The following GRK3 variants were observed in gnomAD, a reference collection of about 807,000 sequenced individuals.
GRK3 encodes G protein-coupled receptor kinase 3.
Under a neutral mutation model 95.7 loss-of-function variants are expected in GRK3, and 54 were observed. The observed-to-expected ratio is 0.56, with a 90% CI of 0.45 to 0.71. GRK3 has a LOEUF of 0.71. Ranked by LOEUF, GRK3 falls within the 30% of genes least tolerant of loss-of-function variation. The pLI, the probability that GRK3 is intolerant of heterozygous loss-of-function variation, is 0.00. For synonymous variants in GRK3, 281 were observed against 290.8 expected, an observed-to-expected ratio of 0.97 and a Z score of 0.34; for missense variants, 649 against 851.2, an observed-to-expected ratio of 0.76 and a Z score of 2.96.
At chr22:25,659,461 G>A (rs2084895848) in intron 3 of GRK3, among the ~76,000 whole-genome samples, 1 of 152,132 alleles carries the variant, frequency 6.6e-6, no homozygotes, top group Admixed American at 6.5e-5. Context: ...AGTTCACCTG[G>A]GAGCTGTGTA....
Position 25,709,636 on chromosome 22 carries a change from G to A in GRK3, c.1329-262G>A, listed in dbSNP as rs115144494. Among the ~76,000 whole-genome samples the A allele has an allele frequency of 7.1e-3, 1,081 of 152,112 alleles. 14 individuals carry two copies. Among genetic ancestry groups the A allele is most frequent in the African/African-American group, 0.025 (1,023 of 41,482 alleles). On this transcript the variant is annotated intron_variant, in intron 15 of 20. Transcript: ENST00000324198. ...TGTGCGTGTGTATATATATATCTGT[G>A]AAAATTTCTAGGTTATCTTAAACTG...
rs1340887521 is a variant in GRK3, at chr22:25,626,795, G to A, written c.191-17797G>A. Among the ~76,000 whole-genome samples the A allele has an allele frequency of 2.0e-5, 3 of 152,230 alleles. No homozygotes were observed. The East Asian group carries it at 5.8e-4, about 29-fold the overall frequency. ...CCAGGCTGCAGGTTTGAAGATCGGT[G>A]CACAGTCAGGGCTATCGTCTGCCCC... On this transcript the variant is annotated intron_variant, in intron 2 of 20. Transcript: ENST00000324198.
chr22:25,694,809 G>T (rs747656472), intron 12 of GRK3, among the ~76,000 whole-genome samples: 9 of 152,192 alleles, frequency 5.9e-5, no homozygotes, highest in Non-Finnish European at 1.3e-4. Context: ...TCCTGAAACG[G>T]CAGGAGAACC....
At chr22:25,570,317 A>G (rs1237561333) in intron 1 of GRK3, among the ~76,000 whole-genome samples, 1 of 152,190 alleles carries the variant, frequency 6.6e-6, no homozygotes, top group African/African-American at 2.4e-5. Context: ...TCACCCCCCA[A>G]GGCCTCAAAA....
In GRK3 at chr22:25,725,669, G is replaced by A. The variant is rs184417391; in HGVS notation, c.*3219G>A. ...TATGTTTAAAAAGAAGGGGCTGGCC[G>A]GGCACGATGGCTCACGCCTATAATC... On this transcript the variant is annotated 3_prime_UTR_variant, in exon 21 of 21. Transcript: ENST00000324198. 1.5e-4 allele frequency: 60 copies of A among 398,568 alleles called. 1 individual carries two copies. The highest frequency in any genetic ancestry group is 1.3e-3 in the Middle Eastern group (2 of 1,588). The allele number at this position is 398,568 out of a possible 1,614,324, so 24.7% of individuals were successfully genotyped here.
chr22:25,626,208 C>T (rs989509583), intron 2 of GRK3, among the ~76,000 whole-genome samples: 4 of 152,256 alleles, frequency 2.6e-5, no homozygotes, highest in East Asian at 1.9e-4. Flanking sequence ...GGATTACAGG[C>T]GTGAGCCACC....
Position 25,690,831 on chromosome 22 carries a change from A to G in GRK3, c.1052+548A>G, listed in dbSNP as rs561798352. On this transcript the variant is annotated intron_variant, in intron 12 of 20. Transcript: ENST00000324198. ...TCTTTTTTAATTAAAGAAACAAATC[A>G]TCTGCTTGCAGTTTAGGCTTTCACT... 3.8e-4 allele frequency among the ~76,000 whole-genome samples: 58 copies of G among 152,074 alleles called. No homozygotes were observed. In the South Asian group the frequency reaches 8.3e-3, roughly 22 times the overall value.
At chr22:25,708,082 A>G (rs1169825523) in intron 15 of GRK3, among the ~76,000 whole-genome samples, 1 of 151,760 alleles carries the variant, frequency 6.6e-6, no homozygotes, top group African/African-American at 2.4e-5. Flanking sequence ...CTAAATATAC[A>G]ATAATAATAA....
intron 2 of GRK3, among the ~76,000 whole-genome samples, chr22:25,615,629 C>T: frequency 6.8e-6 from 1 of 146,620 alleles, no homozygotes; most frequent in East Asian, 2.0e-4. Flanking sequence ...ATGTGCCATA[C>T]CTTTCTCCTA....
rs114300498 is a variant in GRK3 at position 25,619,567 on chromosome 22, T to A, written c.190+15114T>A. Among the ~76,000 whole-genome samples, 1,200 of 151,956 alleles carry A rather than the reference T, an allele frequency of 7.9e-3. 16 individuals carry two copies. Among genetic ancestry groups the A allele is most frequent in the African/African-American group, 0.028 (1,148 of 41,402 alleles). On this transcript the variant is annotated intron_variant, in intron 2 of 20. Coordinates refer to ENST00000324198, the MANE Select transcript of GRK3 (RefSeq NM_005160.4). ...GGCGTGATCATAGCTCACTGCTGCC[T>A]CGAACTCCTGGACTCATGTGATCTT...
chr22:25,715,756 A>G (rs1381148478), intron 18 of GRK3, among the ~76,000 whole-genome samples: 1 of 152,204 alleles, frequency 6.6e-6, no homozygotes, highest in Non-Finnish European at 1.5e-5. Flanking sequence ...AACCTTATGT[A>G]ACAAGAATGG....
At chr22:25,718,612 C>T (rs1200702195) in intron 19 of GRK3, among the ~76,000 whole-genome samples, 1 of 152,194 alleles carries the variant, frequency 6.6e-6, no homozygotes, top group African/African-American at 2.4e-5. Context: ...AGGTCAGAAG[C>T]ACCACATCAT....
chr22:25,718,321 G>A lies in GRK3; in HGVS notation c.1731G>A (p.Gln577=). 3.7e-6 allele frequency: 6 copies of A among 1,614,172 alleles called. No individual in the cohort carries two copies. The highest frequency in any genetic ancestry group is 5.1e-6 in the Non-Finnish European group (6 of 1,180,018). ...KLGNPFLTQW[Q]RRYFYLFPNR... ...GAAACCCATTTCTGACTCAGTGGCA[G>A]CGTCGCTATTTTTACCTCTTTCCAA... is the stretch of plus-strand genomic sequence containing the variant. Residue 577 remains glutamine, a synonymous_variant, in exon 19 of 21, where the codon CAG becomes CAA. Coordinates refer to ENST00000324198, the MANE Select transcript of GRK3 (RefSeq NM_005160.4).
intron 13 of GRK3, chr22:25,702,968 C>A: frequency 2.3e-6 from 1 of 441,604 alleles, no homozygotes; most frequent in Non-Finnish European, 4.5e-6. Flanking sequence ...GCGCTCAGAG[C>A]TGTGGAGAAT....
chr22:25,604,301 G>C (rs1057231303), intron 1 of GRK3, 76 bp from the exon 2 acceptor site: 2 of 1,066,898 alleles, frequency 1.9e-6, no homozygotes, highest in Admixed American at 4.3e-5. Flanking sequence ...CAAGACATCC[G>C]TATCTCTTCC....
At chr22:25,614,403 GGATTATAGGTGTGA>G (rs1601474857) in intron 2 of GRK3, among the ~76,000 whole-genome samples, 1 of 152,154 alleles carries the variant, frequency 6.6e-6, no homozygotes, top group African/African-American at 2.4e-5. Flanking sequence ...CAAAGTGTCG[GGATTATAGGTGTGA>G]GCCACTGTGC....
At chr22:25,569,508 G>C (rs1308302386) in intron 1 of GRK3, among the ~76,000 whole-genome samples, 2 of 152,154 alleles carry the variant, frequency 1.3e-5, no homozygotes, top group East Asian at 3.9e-4. Context: ...ACACGCAATG[G>C]ATTCTTAGAG....
At chr22:25,615,525 C>T (rs1241254268) in intron 2 of GRK3, among the ~76,000 whole-genome samples, 1 of 152,016 alleles carries the variant, frequency 6.6e-6, no homozygotes, top group East Asian at 1.9e-4. Context: ...AAAGTTAAAA[C>T]CAGGAAATAC....
At chr22:25,635,008 C>T (rs545886349) in intron 2 of GRK3, among the ~76,000 whole-genome samples, 1 of 152,226 alleles carries the variant, frequency 6.6e-6, no homozygotes, top group South Asian at 2.1e-4. Context: ...ATTTTGTATA[C>T]CCTTTAAACC....
Sources: gnomAD v4.1 joint callset for allele counts (sites outside exome capture counted in the v4.1 genomes callset) on GRCh38, gnomAD v4.1.1 for gene constraint, MANE v1.5 for transcripts, NCBI Gene and HGNC (gene_info 2026-07-23, HGNC 2026-07-21) for gene names.